The following NFXL1 variants were observed in gnomAD, a reference collection of about 807,000 sequenced individuals.
NFXL1 encodes nuclear transcription factor, X-box binding like 1, also known as NF-X1-type zinc finger protein NFXL1.
A neutral mutation model predicts 123.3 loss-of-function variants in NFXL1; 66 were observed. The observed-to-expected ratio is 0.54, with a 90% CI of 0.44 to 0.66. NFXL1 has a LOEUF of 0.66. Ranked by LOEUF, NFXL1 falls within the 30% of genes least tolerant of loss-of-function variation. The pLI, the probability that NFXL1 is intolerant of heterozygous loss-of-function variation, is 0.00. For missense variants in NFXL1, 944 were observed against 1,125.6 expected (o/e 0.84, Z 2.31); for synonymous variants, 346 against 360.8 (o/e 0.96, Z 0.46).
chr4:47,865,879 G>A (rs1014224263), intron 18 of NFXL1, among the ~76,000 whole-genome samples: 4 of 152,108 alleles, frequency 2.6e-5, no homozygotes, highest in African/African-American at 7.2e-5. Flanking sequence ...AGCCTGGTGC[G>A]ATGGTGTGCA....
In NFXL1 at chr4:47,898,079, T is replaced by C; in HGVS notation, c.1092A>G (p.Val364=). 6.3e-7 allele frequency: 1 copy of C among 1,581,796 alleles called. No individual in the cohort carries two copies. Among genetic ancestry groups the C allele is most frequent in the Non-Finnish European group, 8.6e-7 (1 of 1,162,230 alleles). Residue 364 remains valine (V), a splice_region_variant and synonymous_variant, in exon 9 of 23, where the codon GTA becomes GTG. Coordinates refer to ENST00000507489, the MANE Select transcript of NFXL1 (RefSeq NM_001278624.2). ...TACCACATGGCAGTGTTTTTCCACA[T>C]ACCTAAAATAAAATGCAATAAACAC... ...CASPLWHCDQ[V]CGKTLPCGNH...
intron 18 of NFXL1, among the ~76,000 whole-genome samples, chr4:47,867,266 C>T (rs1227508051): frequency 6.6e-6 from 1 of 151,056 alleles, no homozygotes; most frequent in Non-Finnish European, 1.5e-5. Flanking sequence ...GATAAAATTA[C>T]ATCAGAAATA....
rs755073946 is a variant in NFXL1, at chr4:47,851,136, C to G, written c.2521G>C (p.Glu841Gln). The change falls in exon 22 of 23, where the codon GAA becomes CAA. Residue 841 changes from glutamate to glutamine, a missense_variant. By Grantham distance (29) the Glu-to-Gln change is conservative (BLOSUM62 2). Around this residue, in one of 4 missense-constraint regions of NFXL1, gnomAD observed 301 missense variants for 348.0 expected, o/e 0.86. Transcript: ENST00000507489. ...TCTTCTTCAAGAGCAGCTTTGGCTT[C>G]TGCTTCTTTTATCTGTTTATACACA... ...KRKASEIKEA[E>Q]AKAALEEEKR... 3 of 1,611,124 alleles carry G rather than the reference C, an allele frequency of 1.9e-6. No homozygotes were observed. The highest frequency in any genetic ancestry group is 2.5e-6 in the Non-Finnish European group (3 of 1,177,544).
At chr4:47,863,165 C>T (rs887533691) in intron 18 of NFXL1, among the ~76,000 whole-genome samples, 2 of 152,140 alleles carry the variant, frequency 1.3e-5, no homozygotes, top group African/African-American at 4.8e-5. Context: ...GTACAAAACA[C>T]ACACAAAATA....
intron 18 of NFXL1, 123 bp downstream of exon 18, chr4:47,875,004 C>A: frequency 2.0e-6 from 1 of 501,370 alleles, no homozygotes; most frequent in Non-Finnish European, 3.5e-6. Context: ...CCTTCCAGGT[C>A]TCTACTGGAA....
At chr4:47,911,107 C>G (rs1034914418) in intron 2 of NFXL1, 113 bp from the exon 3 acceptor site, 4 of 576,264 alleles carry the variant, frequency 6.9e-6, no homozygotes, top group Non-Finnish European at 1.1e-5. Flanking sequence ...TTGGAGCATT[C>G]TACCTTCCTG....
Position 47,894,290 on chromosome 4 carries a change from G to A in NFXL1, c.1342C>T (p.His448Tyr). The change falls in exon 11 of 23, where the codon CAT becomes TAT. Residue 448 changes from histidine (H) to tyrosine (Y), a missense_variant. Physicochemically the swap from His to Tyr is moderately conservative, Grantham distance 83. Transcript: ENST00000507489. ...TTTGTATGCTTTCCACAGCGACAATGCTTTTCCACTTCCTGGAAGAATAAA... is the reference window on the plus strand; with the variant it reads ...TTTGTATGCTTTCCACAGCGACAATACTTTTCCACTTCCTGGAAGAATAAA... ...CETCRQEVEKHCRCGKHTKRM... is the reference protein window; with the variant it reads ...CETCRQEVEKYCRCGKHTKRM... The A allele has an allele frequency of 6.3e-7, 1 of 1,585,554 alleles. No individual in the cohort carries two copies. The highest frequency in any genetic ancestry group is 8.6e-7 in the Non-Finnish European group (1 of 1,166,454).
intron 18 of NFXL1, among the ~76,000 whole-genome samples, chr4:47,865,276 G>A (rs181846737): frequency 1.1e-4 from 17 of 152,064 alleles, no homozygotes; most frequent in Admixed American, 7.9e-4. Context: ...GAACTGAAGC[G>A]ATAGAATTCT....
At chr4:47,908,052 ATACTCAGGCAACTATC>A (rs1737641391) in intron 3 of NFXL1, among the ~76,000 whole-genome samples, 1 of 152,184 alleles carries the variant, frequency 6.6e-6, no homozygotes, top group Non-Finnish European at 1.5e-5. Context: ...TCCTATCAAT[ATACTCAGGCAACTATC>A]TAATCACCAA....
intron 11 of NFXL1, among the ~76,000 whole-genome samples, chr4:47,891,936 CAAA>C (rs545929490): frequency 8.5e-6 from 1 of 117,756 alleles, no homozygotes; most frequent in Non-Finnish European, 1.8e-5. Flanking sequence ...GACTCCGTCT[CAAA>C]AAAAAAAAAA....
chr4:47,860,236 A>G (rs975376192), intron 19 of NFXL1, among the ~76,000 whole-genome samples: 5 of 152,214 alleles, frequency 3.3e-5, no homozygotes, highest in Admixed American at 3.3e-4. Flanking sequence ...AATTTTATCA[A>G]TTAAAAACTT....
intron 17 of NFXL1, among the ~76,000 whole-genome samples, chr4:47,876,642 G>C (rs1477720890): frequency 1.3e-5 from 2 of 152,138 alleles, no homozygotes; most frequent in Non-Finnish European, 2.9e-5. Flanking sequence ...AAAGGATATG[G>C]AGCAGAAAGA....
intron 15 of NFXL1, among the ~76,000 whole-genome samples, chr4:47,879,555 T>C (rs1343760263): frequency 6.6e-6 from 1 of 152,220 alleles, no homozygotes; most frequent in Non-Finnish European, 1.5e-5. Context: ...CAAGTTATTT[T>C]GTATATATCA....
rs1405915181 is a variant in NFXL1 at position 47,890,615 on chromosome 4, C to T, written c.1541G>A (p.Arg514Lys). ...RNHKCPSVCHRGSCYPCPETV... is the reference protein window; with the variant it reads ...RNHKCPSVCHKGSCYPCPETV... Reference sequence around the variant, plus strand: ...TCATAGCTATTATTAAAGTTTACCTCTGTGACAGACAGATGGACACTTATG... The same window carrying T: ...TCATAGCTATTATTAAAGTTTACCTTTGTGACAGACAGATGGACACTTATG... Residue 514 changes from arginine to lysine, a missense_variant and splice_region_variant, in exon 12 of 23, where the codon AGA becomes AAA. Around this residue, in one of 4 missense-constraint regions of NFXL1, gnomAD observed 296 missense variants for 395.1 expected, o/e 0.75. Transcript: ENST00000507489. 6.4e-7 allele frequency: 1 copy of T among 1,559,216 alleles called. No individual in the cohort carries two copies. Among genetic ancestry groups the T allele is most frequent in the Non-Finnish European group, 8.8e-7 (1 of 1,130,800 alleles).
chr4:47,910,700 C>T, intron 3 of NFXL1, 124 bp downstream of exon 3: 1 of 501,960 alleles, frequency 2.0e-6, no homozygotes, highest in Non-Finnish European at 3.4e-6. Context: ...AAATTCAACT[C>T]TATAACATAC....
chr4:47,860,997 C>A (rs534663388), intron 19 of NFXL1, among the ~76,000 whole-genome samples: 28 of 150,884 alleles, frequency 1.9e-4, no homozygotes, highest in Admixed American at 8.0e-4. Flanking sequence ...GGATTATAGG[C>A]ACATGCCACC....
At chr4:47,878,983 C>A in intron 16 of NFXL1, 113 bp downstream of exon 16, 1 of 684,960 alleles carries the variant, frequency 1.5e-6, no homozygotes, top group Non-Finnish European at 2.5e-6. Context: ...CTCTTTATAA[C>A]AGTAAAATAA....
chr4:47,905,355 T>G lies in NFXL1; in HGVS notation c.407-9A>C. 7.2e-7 allele frequency: 1 copy of G among 1,391,502 alleles called. No homozygotes were observed. Among genetic ancestry groups the G allele is most frequent in the South Asian group, 1.2e-5 (1 of 83,410 alleles). The allele number at this position is 1,391,502 out of a possible 1,614,324, so 86.2% of individuals were successfully genotyped here. A position where few individuals can be genotyped will look rare whatever the true frequency, so the allele number is the denominator to read the frequency against. On this transcript the variant is annotated splice_polypyrimidine_tract_variant and intron_variant, in intron 3 of 22. Transcript: ENST00000507489. ...TTCACGTGTATCTCCATCTGGAAAT[T>G]TAAAGATTGAAAATCTCACCCTAAA...
intron 5 of NFXL1, among the ~76,000 whole-genome samples, chr4:47,901,981 A>C (rs1234787952): frequency 6.6e-6 from 1 of 152,212 alleles, no homozygotes; most frequent in Non-Finnish European, 1.5e-5. Flanking sequence ...CAGAAGTTCA[A>C]GACCAGCCTG....
Sources: allele counts gnomAD v4.1 joint callset (sites outside exome capture counted in the v4.1 genomes callset), GRCh38; gene constraint gnomAD v4.1.1; regional missense constraint gnomAD v4.1.1; transcripts MANE v1.5; gene names NCBI Gene and HGNC (gene_info 2026-07-23, HGNC 2026-07-21).